The following STX12 variants were observed in gnomAD, a reference collection of about 807,000 sequenced individuals.
The protein encoded by STX12 is syntaxin-12.
STX12 carries 17 observed loss-of-function variants against 42.2 expected under a neutral mutation model. The observed-to-expected ratio is 0.40, with a 90% CI of 0.28 to 0.60. The LOEUF (loss-of-function observed/expected upper bound fraction) is 0.60. Among genes scored for constraint, STX12 ranks in the 20% least tolerant of loss-of-function variants. STX12 has a pLI of 0.39. For synonymous variants in STX12, 108 were observed against 116.7 expected, an observed-to-expected ratio of 0.93 and a Z score of 0.48; for missense variants, 297 against 330.9, an observed-to-expected ratio of 0.90 and a Z score of 0.79.
chr1:27,819,907 A>G, intron 8 of STX12, 175 bp downstream of exon 8: 1 of 537,318 alleles, frequency 1.9e-6, no homozygotes, highest in Non-Finnish European at 3.4e-6. Flanking sequence ...TAGATCTACA[A>G]AAAATAATCA....
intron 1 of STX12, among the ~76,000 whole-genome samples, chr1:27,787,575 G>A (rs1385748844): frequency 6.6e-6 from 1 of 151,944 alleles, no homozygotes; most frequent in African/African-American, 2.4e-5. Flanking sequence ...AGGAGAATTG[G>A]TTGAGCCTGG....
chr1:27,793,483 A>G (rs771184840), intron 2 of STX12, 50 bp from the exon 3 acceptor site: 1 of 1,507,124 alleles, frequency 6.6e-7, no homozygotes, highest in Non-Finnish European at 9.2e-7. Flanking sequence ...TTCTGTGTAT[A>G]ACCCTCTCAA....
chr1:27,816,456 A>G (rs538602093), intron 6 of STX12, among the ~76,000 whole-genome samples: 1 of 152,148 alleles, frequency 6.6e-6, no homozygotes, highest in African/African-American at 2.4e-5. Context: ...CCTGGATGAC[A>G]GAGCAAGACT....
intron 1 of STX12, among the ~76,000 whole-genome samples, chr1:27,776,272 C>T (rs1175190120): frequency 6.6e-6 from 1 of 152,136 alleles, no homozygotes; most frequent in Non-Finnish European, 1.5e-5. Flanking sequence ...TATAACAACT[C>T]TGAAGCACCA....
intron 6 of STX12, among the ~76,000 whole-genome samples, chr1:27,813,547 C>A (rs1194884117): frequency 6.6e-6 from 1 of 152,116 alleles, no homozygotes; most frequent in African/African-American, 2.4e-5. Context: ...TTGCTGGGAT[C>A]AGGGGAGGAG....
chr1:27,796,822 C>T (rs2088789317), intron 3 of STX12, among the ~76,000 whole-genome samples: 3 of 151,962 alleles, frequency 2.0e-5, no homozygotes, highest in Admixed American at 2.0e-4. Context: ...TCTCCTGCCT[C>T]AGCCTCCCGA....
At chr1:27,795,789 G>T (rs2088782168) in intron 3 of STX12, among the ~76,000 whole-genome samples, 1 of 152,134 alleles carries the variant, frequency 6.6e-6, no homozygotes, top group South Asian at 2.1e-4. Flanking sequence ...CTATATACGG[G>T]CTGTTTATTC....
intron 6 of STX12, 64 bp from the exon 7 acceptor site, chr1:27,817,787 G>C (rs965218399): frequency 6.8e-7 from 1 of 1,473,010 alleles, no homozygotes; most frequent in East Asian, 2.3e-5. Context: ...CTTTAGGTAC[G>C]TGAGGGAAAC....
chr1:27,774,809 A>C (rs187823304), intron 1 of STX12, among the ~76,000 whole-genome samples: 3 of 152,164 alleles, frequency 2.0e-5, no homozygotes, highest in Non-Finnish European at 4.4e-5. Flanking sequence ...AGTAGCAAGG[A>C]CTACAAGGAT....
intron 1 of STX12, among the ~76,000 whole-genome samples, chr1:27,774,623 T>G (rs2088616438): frequency 6.6e-6 from 1 of 152,180 alleles, no homozygotes; most frequent in Non-Finnish European, 1.5e-5. Context: ...CCTCCCAAAG[T>G]GCTGGGATTA....
chr1:27,789,835 A>G lies in STX12; in HGVS notation c.188+204A>G, dbSNP rs193169482. Among the ~76,000 whole-genome samples the G allele has an allele frequency of 2.6e-5, 4 of 152,254 alleles. No homozygotes were observed. In the East Asian group the frequency reaches 7.7e-4, roughly 29 times the overall value. On this transcript the variant is annotated intron_variant, in intron 2 of 8. Transcript: ENST00000373943. ...TTCCGTTGCCTTTCAAAGTCTTTGA[A>G]CTCTGGTTCTTTCTCCTCTTGGGCA...
rs536626398 is a variant in STX12 at position 27,776,237 on chromosome 1, G to A, written c.118+2812G>A. Among the ~76,000 whole-genome samples, 4 of 152,240 alleles carry A rather than the reference G, an allele frequency of 2.6e-5. No homozygotes were observed. The South Asian group carries it at 6.2e-4, about 24-fold the overall frequency. On this transcript the variant is annotated intron_variant, in intron 1 of 8. Coordinates refer to ENST00000373943, the MANE Select transcript of STX12 (RefSeq NM_177424.3). ...TACTGTGTTCCAGGCAGTATGAAAAGTGCTTTACATACATTATCTTATTTT... is the reference window on the plus strand; with the variant it reads ...TACTGTGTTCCAGGCAGTATGAAAAATGCTTTACATACATTATCTTATTTT...
intron 1 of STX12, among the ~76,000 whole-genome samples, chr1:27,778,548 G>A (rs990118364): frequency 2.2e-4 from 34 of 152,124 alleles, no homozygotes; most frequent in African/African-American, 7.5e-4. Context: ...AAAGTAAGCC[G>A]GGTGTGATGG....
intron 2 of STX12, 48 bp from the exon 3 acceptor site, chr1:27,793,485 C>A (rs1330652968): frequency 6.6e-7 from 1 of 1,514,360 alleles, no homozygotes; most frequent in East Asian, 2.3e-5. Context: ...CTGTGTATAA[C>A]CCTCTCAAGA....
intron 6 of STX12, 90 bp from the exon 7 acceptor site, chr1:27,817,761 G>A (rs774042182): frequency 3.6e-5 from 39 of 1,096,682 alleles, no homozygotes; most frequent in Non-Finnish European, 4.4e-5. Context: ...AAAAACACAC[G>A]TGTTAATAGC....
Position 27,773,288 on chromosome 1 carries a change from G to A in STX12, c.-20G>A. The A allele has an allele frequency of 1.3e-6, 2 of 1,531,290 alleles. No homozygotes were observed. Among genetic ancestry groups the A allele is most frequent in the South Asian group, 1.1e-5 (1 of 87,560 alleles). The allele number at this position is 1,531,290 out of a possible 1,614,324, so 94.9% of individuals were successfully genotyped here. ...CCGGTAGGAGAGCGGTGTAGAGCGA[G>A]CAGGTCTCAGCTCCTCGTCATGTCA... On this transcript the variant is annotated 5_prime_UTR_variant, in exon 1 of 9. Coordinates refer to ENST00000373943, the MANE Select transcript of STX12 (RefSeq NM_177424.3).
intron 3 of STX12, among the ~76,000 whole-genome samples, chr1:27,795,463 G>A (rs907617701): frequency 4.6e-5 from 7 of 151,846 alleles, no homozygotes; most frequent in African/African-American, 1.5e-4. Context: ...CCACTACCAC[G>A]CTCGGCTAAT....
chr1:27,809,278 GC>G (rs71741361), intron 4 of STX12, among the ~76,000 whole-genome samples: 150,544 of 150,544 alleles, frequency 1, 75,272 homozygotes, highest in Non-Finnish European at 1. Context: ...AGGTGGTAGT[GC>G]AGCCGAGATC....
At position 27,803,170 on chromosome 1, in the gene STX12, A is replaced by G. The variant is rs1464227408; in HGVS notation, c.426+1355A>G. 2.0e-5 allele frequency among the ~76,000 whole-genome samples: 3 copies of G among 152,224 alleles called. No homozygotes were observed. The East Asian group carries it at 5.8e-4, about 29-fold the overall frequency. On this transcript the variant is annotated intron_variant, in intron 4 of 8. Coordinates refer to ENST00000373943, the MANE Select transcript of STX12 (RefSeq NM_177424.3). Reference sequence around the variant, plus strand: ...AACAGAGGTGATATTTGAAGAAATAATGAGTGATAATATTCTAGAACTGAT... The same window carrying G: ...AACAGAGGTGATATTTGAAGAAATAGTGAGTGATAATATTCTAGAACTGAT...
Sources: allele counts gnomAD v4.1 joint callset (sites outside exome capture counted in the v4.1 genomes callset), GRCh38; gene constraint gnomAD v4.1.1; transcripts MANE v1.5; gene names NCBI Gene and HGNC (gene_info 2026-07-23, HGNC 2026-07-21).